The following ULBP3 variants were observed in gnomAD, a reference collection of about 807,000 sequenced individuals.
ULBP3 encodes the protein UL16 binding protein 3.
Under a neutral mutation model 24.9 loss-of-function variants are expected in ULBP3, and 25 were observed. The ratio of observed to expected loss-of-function variants is 1.00; its 90% CI spans 0.73 to 1.40. The LOEUF (loss-of-function observed/expected upper bound fraction) is 1.40, where lower values mean the gene tolerates loss of function less well. ULBP3 is among the 40% of genes most tolerant of loss of function. The probability of loss-of-function intolerance (pLI) is 0.00; values close to 1 mark genes in which losing one functional copy is unlikely to be tolerated. For synonymous variants in ULBP3, 114 were observed against 114.7 expected, an observed-to-expected ratio of 0.99 and a Z score of 0.04; for missense variants, 306 against 307.5, an observed-to-expected ratio of 1.00 and a Z score of 0.04.
rs781057163 is a variant in ULBP3 at position 150,065,856 on chromosome 6, G to A, written c.352+43C>T. The A allele has an allele frequency of 6.2e-6, 10 of 1,609,824 alleles. No homozygotes were observed. In the East Asian group the frequency reaches 2.2e-4, roughly 36 times the overall value. ...TCCCCACACACAGAACAGCCCCTGAGCCCACAGTCTGCTCCCTTCTGTCCT... is the reference window on the plus strand; with the variant it reads ...TCCCCACACACAGAACAGCCCCTGAACCCACAGTCTGCTCCCTTCTGTCCT... On this transcript the variant is annotated intron_variant, in intron 2 of 4. Coordinates refer to ENST00000367339, the MANE Select transcript of ULBP3 (RefSeq NM_024518.3).
intron 1 of ULBP3, 62 bp downstream of exon 1, chr6:150,068,917 C>T: frequency 6.7e-7 from 1 of 1,493,524 alleles, no homozygotes; most frequent in Non-Finnish European, 9.0e-7. Context: ...CTGAAACCCG[C>T]TGCAGTCCAC....
chr6:150,066,807 T>A (rs1405249758), intron 1 of ULBP3, among the ~76,000 whole-genome samples: 1 of 152,058 alleles, frequency 6.6e-6, no homozygotes, highest in Non-Finnish European at 1.5e-5. Flanking sequence ...ACCTAGCATA[T>A]AAAGAAGGCC....
At position 150,062,072 on chromosome 6, in the gene ULBP3, T is replaced by A. The variant is rs186633588; in HGVS notation, c.*1302A>T. Among the ~76,000 whole-genome samples the A allele has an allele frequency of 6.6e-6, 1 of 152,356 alleles. No individual in the cohort carries two copies. Among genetic ancestry groups the A allele is most frequent in the Admixed American group, 6.5e-5 (1 of 15,306 alleles). ...GTCTTTGCACATTTTTTAATTGGGTTTTTTTTTCTTGCTTGTCTAATTGTT... is the reference window on the plus strand; with the variant it reads ...GTCTTTGCACATTTTTTAATTGGGTATTTTTTTCTTGCTTGTCTAATTGTT... On this transcript the variant is annotated 3_prime_UTR_variant, in exon 5 of 5. Coordinates refer to ENST00000367339, the MANE Select transcript of ULBP3 (RefSeq NM_024518.3).
chr6:150,067,918 G>A (rs1308618363), intron 1 of ULBP3, among the ~76,000 whole-genome samples: 1 of 152,184 alleles, frequency 6.6e-6, no homozygotes, highest in Non-Finnish European at 1.5e-5. Context: ...CTGTGGTCCT[G>A]GGCCCCTGTG....
rs1263016933 is a variant in ULBP3 at position 150,061,548 on chromosome 6, C to A, written c.*1826G>T. On this transcript the variant is annotated 3_prime_UTR_variant, in exon 5 of 5. Transcript: ENST00000367339. ...GCATTAGGTTGCTTAGGATAATAGC[C>A]TCTAGTTCCATCCATGTTGCTGAAA... Among the ~76,000 whole-genome samples, 8 of 152,180 alleles carry A rather than the reference C, an allele frequency of 5.3e-5. No homozygotes were observed. Among genetic ancestry groups the A allele is most frequent in the African/African-American group, 1.7e-4 (7 of 41,440 alleles).
At chr6:150,065,333 C>T in intron 3 of ULBP3, 65 bp downstream of exon 3, 1 of 1,592,566 alleles carries the variant, frequency 6.3e-7, no homozygotes, top group Non-Finnish European at 8.6e-7. Context: ...TACTCAGACA[C>T]TGACAGACAA....
chr6:150,063,983 A>C (rs531044226), intron 4 of ULBP3, among the ~76,000 whole-genome samples: 1 of 152,200 alleles, frequency 6.6e-6, no homozygotes, highest in Non-Finnish European at 1.5e-5. Context: ...CCATGGGTCC[A>C]AGGGGCTCGG....
chr6:150,066,079 C>T lies in ULBP3; in HGVS notation c.172G>A (p.Asp58Asn), dbSNP rs747294120. The change falls in exon 2 of 5, where the codon GAT becomes AAT. Residue 58 changes from aspartate (D) to asparagine (N), a missense_variant. Physicochemically the swap from Asp to Asn is conservative, Grantham distance 23. Coordinates refer to ENST00000367339, the MANE Select transcript of ULBP3 (RefSeq NM_024518.3). The part of the protein sequence containing the change: ...QQWCEVQSQV[D>N]QKNFLSYDCG... Reference sequence around the variant, plus strand: ...TCATAGGAGAGAAAATTCTTCTGATCCACCTGGCTCTGGACCTCACACCAC... The same window carrying T: ...TCATAGGAGAGAAAATTCTTCTGATTCACCTGGCTCTGGACCTCACACCAC... The T allele has an allele frequency of 1.9e-6, 3 of 1,614,224 alleles. No homozygotes were observed. In the Admixed American group the frequency reaches 5.0e-5, roughly 27 times the overall value.
chr6:150,068,861 G>T, intron 1 of ULBP3, 118 bp downstream of exon 1: 2 of 1,054,550 alleles, frequency 1.9e-6, no homozygotes, highest in Non-Finnish European at 1.3e-6. Flanking sequence ...GAGCGTGGGG[G>T]CAGTCCGGGG....
chr6:150,068,746 C>T lies in ULBP3; in HGVS notation c.88+233G>A, dbSNP rs115574857. Among the ~76,000 whole-genome samples, 1,073 of 152,360 alleles carry T rather than the reference C, an allele frequency of 7.0e-3. 10 individuals carry two copies. The highest frequency in any genetic ancestry group is 0.025 in the African/African-American group (1,021 of 41,586). ...TCTGCAGCTTTTTGGCCCCTCCACC[C>T]TCCTGCGGTTCTTTTTTCGCCTTCT... On this transcript the variant is annotated intron_variant, in intron 1 of 4. Transcript: ENST00000367339.
At position 150,064,623 on chromosome 6, in the gene ULBP3, A is replaced by G. The variant is rs756364055; in HGVS notation, c.719T>C (p.Ile240Thr). The change falls in exon 4 of 5, where the codon ATC (isoleucine) becomes ACC (threonine). Residue 240 changes from isoleucine (I) to threonine (T), a missense_variant. Ile to Thr is a moderately conservative substitution (Grantham distance 89, BLOSUM62 -1). Coordinates refer to ENST00000367339, the MANE Select transcript of ULBP3 (RefSeq NM_024518.3). ...TGACTCTTCTCAGATGCCAGGGAGG[A>G]TGAAGCAGAGGATGATGAGGAAGCT... ...PWSFLIILCF[I>T]LPGI The G allele has an allele frequency of 4.5e-5, 73 of 1,613,996 alleles. No individual in the cohort carries two copies. Among genetic ancestry groups the G allele is most frequent in the Non-Finnish European group, 6.1e-5 (72 of 1,179,942 alleles).
chr6:150,061,751 T>C lies in ULBP3; in HGVS notation c.*1623A>G, dbSNP rs1294339139. On this transcript the variant is annotated 3_prime_UTR_variant, in exon 5 of 5. Transcript: ENST00000367339. Reference sequence around the variant, plus strand: ...GTGTCTTTTGGATAAAATGAATTCTTTTCCTGTGGATATATCCCGAGTAGT... The same window carrying C: ...GTGTCTTTTGGATAAAATGAATTCTCTTCCTGTGGATATATCCCGAGTAGT... 8.5e-5 allele frequency among the ~76,000 whole-genome samples: 13 copies of C among 152,244 alleles called. No homozygotes were observed. Among genetic ancestry groups the C allele is most frequent in the Non-Finnish European group, 4.4e-5 (3 of 68,042 alleles).
Position 150,061,566 on chromosome 6 carries a change from T to G in ULBP3, c.*1808A>C, listed in dbSNP as rs1221353466. Among the ~76,000 whole-genome samples the G allele has an allele frequency of 6.6e-6, 1 of 152,242 alleles. No homozygotes were observed. The highest frequency in any genetic ancestry group is 1.5e-5 in the Non-Finnish European group (1 of 68,040). On this transcript the variant is annotated 3_prime_UTR_variant, in exon 5 of 5. Transcript: ENST00000367339. ...TAATAGCCTCTAGTTCCATCCATGT[T>G]GCTGAAAAGGACATGATTTTGCTGT... is the stretch of plus-strand genomic sequence containing the variant.
In ULBP3 at chr6:150,066,086, G is replaced by C; in HGVS notation, c.165C>G (p.Ser55Arg). ...RHGQQWCEVQ[S>R]QVDQKNFLSY... ...AGAGAAAATTCTTCTGATCCACCTG[G>C]CTCTGGACCTCACACCACTGTTGCC... is the stretch of plus-strand genomic sequence containing the variant. Residue 55 changes from serine to arginine, a missense_variant, in exon 2 of 5, where the codon AGC becomes AGG. Transcript: ENST00000367339. 6.2e-7 allele frequency: 1 copy of C among 1,614,182 alleles called. No individual in the cohort carries two copies. Among genetic ancestry groups the C allele is most frequent in the South Asian group, 1.1e-5 (1 of 91,084 alleles).
intron 3 of ULBP3, 129 bp from the exon 4 acceptor site, chr6:150,064,842 G>A (rs1262289458): frequency 7.9e-6 from 7 of 886,770 alleles, no homozygotes; most frequent in South Asian, 3.3e-5. Flanking sequence ...TGGGGCAGCC[G>A]CTGTGACAGG....
At position 150,064,697 on chromosome 6, in the gene ULBP3, G is replaced by A. The variant is rs370198227; in HGVS notation, c.645C>T (p.Ala215=). 79 of 1,613,928 alleles carry A rather than the reference G, an allele frequency of 4.9e-5. No homozygotes were observed. Among genetic ancestry groups the A allele is most frequent in the Non-Finnish European group, 6.7e-5 (79 of 1,179,942 alleles). ...RLEPTAPPTM[A]PGLAQPKAIA... Reference sequence around the variant, plus strand: ...TGGCTTTGGGTTGAGCTAAGCCTGGGGCCATGGTGGGTGGTGCTGAAAGGG... The same window carrying A: ...TGGCTTTGGGTTGAGCTAAGCCTGGAGCCATGGTGGGTGGTGCTGAAAGGG... The change falls in exon 4 of 5, where the codon GCC becomes GCT. Residue 215 remains alanine, a synonymous_variant. Transcript: ENST00000367339.
Position 150,065,456 on chromosome 6 carries a change from G to A in ULBP3, c.570C>T (p.Asp190=), listed in dbSNP as rs929464325. ...TTFFKMVSMR[D]CKSWLRDFLM... is the part of the protein sequence containing the mutation. ...GGAAGTCCCTAAGCCAGCTCTTGCA[G>A]TCTCTCATTGAGACCATCTTGAAGA... The change falls in exon 3 of 5, where the codon GAC becomes GAT. Residue 190 remains aspartate (D), a synonymous_variant. Transcript: ENST00000367339. The A allele has an allele frequency of 3.1e-6, 5 of 1,614,052 alleles. No individual in the cohort carries two copies. In the East Asian group the frequency reaches 6.7e-5, roughly 22 times the overall value.
At chr6:150,066,263 G>A (rs1776346130) in intron 1 of ULBP3, 101 bp from the exon 2 acceptor site, 5 of 1,350,500 alleles carry the variant, frequency 3.7e-6, no homozygotes, top group Non-Finnish European at 1.0e-6. Context: ...GGCTGGCAGA[G>A]CATGGATTTC....
rs923176603 is a variant in ULBP3 at position 150,065,337 on chromosome 6, C to T, written c.628+61G>A. On this transcript the variant is annotated intron_variant, in intron 3 of 4. Transcript: ENST00000367339. The stretch of plus-strand genomic sequence containing the variant: ...CACACCCACCATACTCAGACACTGA[C>T]AGACAAGGGTGTAACTCGATGGCAT... 5.0e-6 allele frequency: 8 copies of T among 1,594,936 alleles called. No homozygotes were observed. In the African/African-American group the frequency reaches 5.4e-5, roughly 11 times the overall value.
Sources: allele counts gnomAD v4.1 joint callset (sites outside exome capture counted in the v4.1 genomes callset), GRCh38; gene constraint gnomAD v4.1.1; transcripts MANE v1.5; gene names NCBI Gene and HGNC (gene_info 2026-07-23, HGNC 2026-07-21).